The following RPRD1B variants were observed in gnomAD, a reference collection of about 807,000 sequenced individuals.
The protein encoded by RPRD1B is regulation of nuclear pre-mRNA domain-containing protein 1B.
Under a neutral mutation model 41.5 loss-of-function variants are expected in RPRD1B, and 11 were observed. The observed-to-expected ratio is 0.27, with a 90% CI of 0.17 to 0.44. RPRD1B has a LOEUF of 0.44. RPRD1B is among the 20% of genes least tolerant of loss of function. The pLI, the probability that RPRD1B is intolerant of heterozygous loss-of-function variation, is 1.00. For synonymous variants in RPRD1B, 158 were observed against 155.6 expected (o/e 1.02, Z -0.12); for missense variants, 248 against 389.9 (o/e 0.64, Z 3.06).
At chr20:38,062,574 T>G (rs1166265105) in intron 5 of RPRD1B, among the ~76,000 whole-genome samples, 1 of 152,120 alleles carries the variant, frequency 6.6e-6, no homozygotes, top group Non-Finnish European at 1.5e-5. Context: ...TCCTGTTGAT[T>G]GGGACCAAAA....
Position 38,041,538 on chromosome 20 carries a change from G to A in RPRD1B, c.281+974G>A, listed in dbSNP as rs189759356. Among the ~76,000 whole-genome samples, 9 of 152,246 alleles carry A rather than the reference G, an allele frequency of 5.9e-5. No individual in the cohort carries two copies. The East Asian group carries it at 9.6e-4, about 16-fold the overall frequency. On this transcript the variant is annotated intron_variant, in intron 2 of 6. Coordinates refer to ENST00000373433, the MANE Select transcript of RPRD1B (RefSeq NM_021215.4). ...GGCTCACCTTTTGATCAACATGGGCGCAAGTAGCAAAATGTGTTATTAACT... is the reference window on the plus strand; with the variant it reads ...GGCTCACCTTTTGATCAACATGGGCACAAGTAGCAAAATGTGTTATTAACT...
intron 6 of RPRD1B, among the ~76,000 whole-genome samples, chr20:38,078,187 A>C (rs1404552881): frequency 6.6e-6 from 1 of 150,648 alleles, no homozygotes; most frequent in East Asian, 1.9e-4. Flanking sequence ...AAAAAAGACT[A>C]TGGGCCCAGC....
intron 6 of RPRD1B, among the ~76,000 whole-genome samples, chr20:38,080,683 G>A (rs549298933): frequency 3.9e-5 from 6 of 152,178 alleles, no homozygotes; most frequent in Admixed American, 1.3e-4. Context: ...GCGTCACCAC[G>A]CCTGGCTTAT....
chr20:38,049,372 T>C (rs1490257037), intron 3 of RPRD1B, among the ~76,000 whole-genome samples: 35 of 136,446 alleles, frequency 2.6e-4, no homozygotes, highest in Non-Finnish European at 3.6e-4. Context: ...TTTTTCTTTT[T>C]TTTTTTTTTT....
chr20:38,073,591 C>T (rs1051473184), intron 6 of RPRD1B, among the ~76,000 whole-genome samples: 1 of 152,176 alleles, frequency 6.6e-6, no homozygotes, highest in Non-Finnish European at 1.5e-5. Context: ...CAGCACCTCC[C>T]TGCAGGGTGC....
rs2074607400 is a variant in RPRD1B at position 38,090,984 on chromosome 20, A to G, written c.*1109A>G. 1 of 985,382 alleles carries G rather than the reference A, an allele frequency of 1.0e-6. No homozygotes were observed. Among genetic ancestry groups the G allele is most frequent in the African/African-American group, 1.7e-5 (1 of 57,220 alleles). 61.0% of individuals were successfully genotyped at this position (985,382 alleles called of 1,614,324 possible). A position where few individuals can be genotyped will look rare whatever the true frequency, so the allele number is the denominator to read the frequency against. The stretch of plus-strand genomic sequence containing the variant: ...TGAATAGCTCGTCTCGGGCAGGGGA[A>G]GCGGGGAGTTGGGGATATTAATTGG... On this transcript the variant is annotated 3_prime_UTR_variant, in exon 7 of 7. Coordinates refer to ENST00000373433, the MANE Select transcript of RPRD1B (RefSeq NM_021215.4).
chr20:38,088,202 G>T (rs997675568), intron 6 of RPRD1B, among the ~76,000 whole-genome samples: 8 of 152,114 alleles, frequency 5.3e-5, no homozygotes, highest in Non-Finnish European at 1.0e-4. Flanking sequence ...CTCCTTGCTT[G>T]GACTTTTGTC....
chr20:38,057,721 C>T (rs1216255300), intron 4 of RPRD1B, 77 bp downstream of exon 4: 2 of 1,008,058 alleles, frequency 2.0e-6, no homozygotes, highest in Non-Finnish European at 3.1e-6. Context: ...CACAAGGTGG[C>T]GCCAGTGACC....
At chr20:38,049,360 TTTTTTTC>T (rs1245512517) in intron 3 of RPRD1B, among the ~76,000 whole-genome samples, 10 of 136,186 alleles carry the variant, frequency 7.3e-5, no homozygotes, top group Non-Finnish European at 1.6e-4. Context: ...TTTTTCTTTC[TTTTTTTC>T]TTTTTTTTTT....
Position 38,034,067 on chromosome 20 carries a change from C to A in RPRD1B, c.120C>A (p.Ile40=). The A allele has an allele frequency of 4.3e-6, 7 of 1,614,112 alleles. No individual in the cohort carries two copies. Among genetic ancestry groups the A allele is most frequent in the Non-Finnish European group, 5.9e-6 (7 of 1,179,968 alleles). ...LIHHRKHAGP[I]VSVWHRELRK... ...ACCACCGCAAGCACGCGGGACCCAT[C>A]GTCTCCGTGTGGCACCGCGAGCTCC... Residue 40 remains isoleucine, a synonymous_variant, in exon 1 of 7, where the codon ATC becomes ATA. Transcript: ENST00000373433.
Position 38,090,862 on chromosome 20 carries a change from A to T in RPRD1B, c.*987A>T. On this transcript the variant is annotated 3_prime_UTR_variant, in exon 7 of 7. Coordinates refer to ENST00000373433, the MANE Select transcript of RPRD1B (RefSeq NM_021215.4). ...AGTACGGTGGCTAAACTCGAACATCACTGCAAATAGGACGCTGAGCAGGTC... is the reference window on the plus strand; with the variant it reads ...AGTACGGTGGCTAAACTCGAACATCTCTGCAAATAGGACGCTGAGCAGGTC... The T allele has an allele frequency of 3.0e-6, 3 of 985,418 alleles. No homozygotes were observed. The highest frequency in any genetic ancestry group is 3.6e-6 in the Non-Finnish European group (3 of 829,942). 61.0% of individuals were successfully genotyped at this position (985,418 alleles called of 1,614,324 possible). A position where few individuals can be genotyped will look rare whatever the true frequency, so the allele number is the denominator to read the frequency against.
Position 38,089,787 on chromosome 20 carries a change from A to G in RPRD1B, c.893A>G (p.Gln298Arg). ...QVRKELKSHI[Q>R]SLPDLSLLPN... ...CGCAAGGAACTGAAATCCCATATTC[A>G]GAGCTTGCCAGACCTCTCACTGCTG... The change falls in exon 7 of 7, where the codon CAG becomes CGG. Residue 298 changes from glutamine to arginine, a missense_variant. This residue lies in a region of RPRD1B where 93 missense variants were observed against 167.2 expected (regional missense o/e 0.56). Transcript: ENST00000373433. 2 of 1,614,236 alleles carry G rather than the reference A, an allele frequency of 1.2e-6. No individual in the cohort carries two copies. The highest frequency in any genetic ancestry group is 1.7e-6 in the Non-Finnish European group (2 of 1,180,038).
At chr20:38,041,851 TC>T (rs1469456870) in intron 2 of RPRD1B, among the ~76,000 whole-genome samples, 4 of 152,246 alleles carry the variant, frequency 2.6e-5, no homozygotes, top group Non-Finnish European at 4.4e-5. Context: ...CAATGCCTGT[TC>T]CACATTTGCT....
chr20:38,089,893 A>G lies in RPRD1B; in HGVS notation c.*18A>G. ...CTGACTAGGATGGGTGTCATGTCCC[A>G]GATTTCTGTTTGTACCAGCAGAAAG... On this transcript the variant is annotated 3_prime_UTR_variant, in exon 7 of 7. Coordinates refer to ENST00000373433, the MANE Select transcript of RPRD1B (RefSeq NM_021215.4). 6.2e-7 allele frequency: 1 copy of G among 1,608,654 alleles called. No homozygotes were observed. The highest frequency in any genetic ancestry group is 2.2e-5 in the East Asian group (1 of 44,836).
At position 38,033,820 on chromosome 20, in the gene RPRD1B, C is replaced by G; in HGVS notation, c.-128C>G. The G allele has an allele frequency of 1.1e-6, 1 of 937,944 alleles. No homozygotes were observed. Among genetic ancestry groups the G allele is most frequent in the Non-Finnish European group, 1.5e-6 (1 of 647,628 alleles). The allele number at this position is 937,944 out of a possible 1,614,324, so 58.1% of individuals were successfully genotyped here. A position where few individuals can be genotyped will look rare whatever the true frequency, so the allele number is the denominator to read the frequency against. On this transcript the variant is annotated 5_prime_UTR_variant, in exon 1 of 7. Coordinates refer to ENST00000373433, the MANE Select transcript of RPRD1B (RefSeq NM_021215.4). Reference sequence around the variant, plus strand: ...ACCCATCCCCTCCCCCTTCTCGCACCCCTGGCAGTCTGTCAGTCGGTAAAA... The same window carrying G: ...ACCCATCCCCTCCCCCTTCTCGCACGCCTGGCAGTCTGTCAGTCGGTAAAA...
chr20:38,068,280 T>G (rs1354258573), intron 6 of RPRD1B, among the ~76,000 whole-genome samples: 1 of 152,048 alleles, frequency 6.6e-6, no homozygotes, highest in Admixed American at 6.5e-5. Context: ...ACGTACAGAG[T>G]CTGAACTGAA....
Position 38,089,712 on chromosome 20 carries a change from C to T in RPRD1B, c.832-14C>T. On this transcript the variant is annotated splice_polypyrimidine_tract_variant and intron_variant, in intron 6 of 6. Transcript: ENST00000373433. ...CACAGACTTAACGGTATTGTCTTCT[C>T]TTTATCTCCTTAGGAATACAAACAG... The T allele has an allele frequency of 6.2e-7, 1 of 1,609,662 alleles. No homozygotes were observed. Among genetic ancestry groups the T allele is most frequent in the Non-Finnish European group, 8.5e-7 (1 of 1,176,226 alleles).
Position 38,033,903 on chromosome 20 carries a change from C to T in RPRD1B, c.-45C>T. 1 of 1,536,298 alleles carries T rather than the reference C, an allele frequency of 6.5e-7. No individual in the cohort carries two copies. The highest frequency in any genetic ancestry group is 2.3e-5 in the East Asian group (1 of 42,756). ...TCGTGCCGTCGCTCTTCCCGCCGCACTGGGCGGCCCAGGCCGCTCCCTGCC... is the reference window on the plus strand; with the variant it reads ...TCGTGCCGTCGCTCTTCCCGCCGCATTGGGCGGCCCAGGCCGCTCCCTGCC... On this transcript the variant is annotated 5_prime_UTR_variant, in exon 1 of 7. Coordinates refer to ENST00000373433, the MANE Select transcript of RPRD1B (RefSeq NM_021215.4).
At chr20:38,067,759 C>A (rs892062771) in intron 6 of RPRD1B, among the ~76,000 whole-genome samples, 1 of 152,196 alleles carries the variant, frequency 6.6e-6, no homozygotes, top group Non-Finnish European at 1.5e-5. Context: ...CAGTACCAGA[C>A]GGTCATTTAT....
Sources: allele counts gnomAD v4.1 joint callset (sites outside exome capture counted in the v4.1 genomes callset), GRCh38; gene constraint gnomAD v4.1.1; regional missense constraint gnomAD v4.1.1; transcripts MANE v1.5; gene names NCBI Gene and HGNC (gene_info 2026-07-23, HGNC 2026-07-21).